Variants in NAV3 observed in about 807,000 individuals in gnomAD.
NAV3 encodes the protein pore membrane and/or filament interacting like protein 1.
NAV3 carries 87 observed loss-of-function variants against 244.7 expected under a neutral mutation model. The observed-to-expected ratio is 0.36, with a 90% CI of 0.30 to 0.42. The LOEUF (loss-of-function observed/expected upper bound fraction) is 0.42, where lower values mean the gene tolerates loss of function less well. NAV3 is among the 20% of genes least tolerant of loss of function. The pLI is 1.00. For missense variants in NAV3, 2,663 were observed against 2,893.3 expected, an observed-to-expected ratio of 0.92 and a Z score of 1.83; for synonymous variants, 1,126 against 1,042.2, an observed-to-expected ratio of 1.08 and a Z score of -1.55.
chr12:77,661,929 A>G (rs1443957740), intron 2 of NAV3, among the ~76,000 whole-genome samples: 1 of 152,076 alleles, frequency 6.6e-6, no homozygotes, highest in Non-Finnish European at 1.5e-5. Flanking sequence ...CATTGTCTTT[A>G]TAAAAATTGC....
rs1479405982 is a variant in NAV3, at chr12:78,168,422, T to G, written c.4870-333T>G. ...ATATCTAATGTAATCATAGGTAATATTAGTAAGTGTGTTATCTGAAATGAG... is the reference window on the plus strand; with the variant it reads ...ATATCTAATGTAATCATAGGTAATAGTAGTAAGTGTGTTATCTGAAATGAG... On this transcript the variant is annotated intron_variant, in intron 23 of 39. Coordinates refer to ENST00000397909, the MANE Select transcript of NAV3 (RefSeq NM_001024383.2). Among the ~76,000 whole-genome samples, 33 of 151,796 alleles carry G rather than the reference T, an allele frequency of 2.2e-4. No individual in the cohort carries two copies. In the Admixed American group the frequency reaches 2.2e-3, roughly 10 times the overall value.
At chr12:77,883,039 G>T (rs921898612) in intron 1 of NAV3, among the ~76,000 whole-genome samples, 3 of 152,134 alleles carry the variant, frequency 2.0e-5, no homozygotes, top group African/African-American at 7.2e-5. Flanking sequence ...ATTTCTCAAA[G>T]AACTTAAAAC....
chr12:77,966,140 T>C (rs1452414061), intron 3 of NAV3, 89 bp from the exon 4 acceptor site: 1 of 1,079,080 alleles, frequency 9.3e-7, no homozygotes, highest in African/African-American at 1.6e-5. Context: ...CTATTCATTC[T>C]TTATCGTTCT....
At chr12:78,186,185 A>T (rs1231473496) in intron 31 of NAV3, among the ~76,000 whole-genome samples, 8 of 151,886 alleles carry the variant, frequency 5.3e-5, no homozygotes, top group African/African-American at 1.7e-4. Flanking sequence ...AAGGTCCTAG[A>T]TGACCAGACA....
rs144185309 is a variant in NAV3 at position 77,808,010 on chromosome 12, A to G, written c.73-132309A>G. ...ATGCTTCAGGAAGTTCTCATGCTGCATTTTTCAGCTCCATCAGGTCATTTA... is the reference window on the plus strand; with the variant it reads ...ATGCTTCAGGAAGTTCTCATGCTGCGTTTTTCAGCTCCATCAGGTCATTTA... On this transcript the variant is annotated intron_variant, in intron 2 of 8. Transcript: ENST00000550042. Among the ~76,000 whole-genome samples, 172 of 152,008 alleles carry G rather than the reference A, an allele frequency of 1.1e-3. 1 individual carries two copies. Among genetic ancestry groups the G allele is most frequent in the African/African-American group, 4.0e-3 (165 of 41,462 alleles).
intron 15 of NAV3, among the ~76,000 whole-genome samples, chr12:78,120,369 G>A (rs1955618822): frequency 6.6e-6 from 1 of 152,210 alleles, no homozygotes; most frequent in African/African-American, 2.4e-5. Flanking sequence ...TTTCTTGCTG[G>A]CTCTTAATGA....
At position 78,146,368 on chromosome 12, in the gene NAV3, G is replaced by T; in HGVS notation, c.4684-1G>T. ...AAGTCTTTCTTTTTATTGTTTTACA[G>T]GCTGAAGAAAAGGCTCATTCAGAGG... is the stretch of plus-strand genomic sequence containing the variant. On this transcript the variant is annotated splice_acceptor_variant, in intron 20 of 39. Transcript: ENST00000397909. LOFTEE classifies it high-confidence loss of function. 1 of 1,096,404 alleles carries T rather than the reference G, an allele frequency of 9.1e-7. No homozygotes were observed. The highest frequency in any genetic ancestry group is 1.9e-5 in the South Asian group (1 of 53,802). The allele number at this position is 1,096,404 out of a possible 1,614,324, so 67.9% of individuals were successfully genotyped here. A position where few individuals can be genotyped will look rare whatever the true frequency, so the allele number is the denominator to read the frequency against.
intron 2 of NAV3, among the ~76,000 whole-genome samples, chr12:77,772,940 A>C (rs1870168482): frequency 6.6e-6 from 1 of 152,216 alleles, no homozygotes; most frequent in African/African-American, 2.4e-5. Context: ...TAACAGATAA[A>C]TCTGGACATT....
At chr12:77,876,694 A>G (rs890995953) in intron 1 of NAV3, among the ~76,000 whole-genome samples, 1 of 152,084 alleles carries the variant, frequency 6.6e-6, no homozygotes. Context: ...AAAGTATAAG[A>G]AATATTGATG....
At chr12:77,635,273 T>A (rs886980416) in intron 2 of NAV3, among the ~76,000 whole-genome samples, 1 of 151,904 alleles carries the variant, frequency 6.6e-6, no homozygotes, top group Non-Finnish European at 1.5e-5. Context: ...TTGCCTAGGT[T>A]GGCCTCATAC....
At position 77,998,069 on chromosome 12, in the gene NAV3, G is replaced by C. The variant is rs188864615; in HGVS notation, c.741-268G>C. ...GCAAAGTTTTATTCATCAGGGATGGGGTGAGTATGACTTTTTTAGTTAAGA... is the reference window on the plus strand; with the variant it reads ...GCAAAGTTTTATTCATCAGGGATGGCGTGAGTATGACTTTTTTAGTTAAGA... On this transcript the variant is annotated intron_variant, in intron 6 of 39. Transcript: ENST00000397909. Among the ~76,000 whole-genome samples the C allele has an allele frequency of 9.1e-3, 1,384 of 152,226 alleles. 52 individuals are homozygous for C. The highest frequency in any genetic ancestry group is 0.077 in the Admixed American group (1,175 of 15,290).
At chr12:78,142,669 ATAC>A (rs1956668765) in intron 20 of NAV3, among the ~76,000 whole-genome samples, 1 of 118,676 alleles carries the variant, frequency 8.4e-6, no homozygotes, top group Non-Finnish European at 1.8e-5. Context: ...ATGTATATAT[ATAC>A]ATATATATGT....
At chr12:78,155,331 T>C (rs1957260283) in intron 22 of NAV3, among the ~76,000 whole-genome samples, 1 of 152,120 alleles carries the variant, frequency 6.6e-6, no homozygotes, top group Admixed American at 6.6e-5. Context: ...GCTCCATCCA[T>C]GTCCCTCCAA....
chr12:78,123,933 A>G (rs1426659815), intron 16 of NAV3, among the ~76,000 whole-genome samples: 1 of 152,224 alleles, frequency 6.6e-6, no homozygotes, highest in East Asian at 1.9e-4. Flanking sequence ...CATTTATAAA[A>G]CTTCTAATGA....
rs139234810 is a variant in NAV3, at chr12:77,758,131, A to T, written c.73-182188A>T. 9.8e-3 allele frequency among the ~76,000 whole-genome samples: 1,494 copies of T among 152,106 alleles called. 26 individuals carry two copies. The highest frequency in any genetic ancestry group is 0.034 in the African/African-American group (1,402 of 41,496). ...GTGTCTGAGTTTGGTTTATCATTTT[A>T]TTCTGAATAAATTGCATTTCGTCAG... On this transcript the variant is annotated intron_variant, in intron 2 of 8. Coordinates refer to the NAV3 transcript ENST00000550042.
chr12:78,152,069 A>C (rs551209696), intron 22 of NAV3, among the ~76,000 whole-genome samples: 2 of 151,686 alleles, frequency 1.3e-5, no homozygotes, highest in African/African-American at 4.8e-5. Context: ...ATTTCCCAGG[A>C]GTTTCAACCT....
chr12:77,842,526 A>T (rs1003832432), intron 1 of NAV3, among the ~76,000 whole-genome samples: 1 of 151,056 alleles, frequency 6.6e-6, no homozygotes. Context: ...AATCGGGTGA[A>T]GTCAAGTATC....
intron 1 of NAV3, among the ~76,000 whole-genome samples, chr12:77,927,447 C>T (rs1235364372): frequency 1.3e-5 from 2 of 152,184 alleles, no homozygotes; most frequent in African/African-American, 4.8e-5. Flanking sequence ...CTATGTAGCA[C>T]TTACTGTTGC....
chr12:78,209,012 A>G (rs1234416945), intron 39 of NAV3, among the ~76,000 whole-genome samples: 1 of 152,184 alleles, frequency 6.6e-6, no homozygotes, highest in African/African-American at 2.4e-5. Flanking sequence ...AACTATGTTG[A>G]AGGAGACATT....
Sources: gnomAD v4.1 joint callset for allele counts (sites outside exome capture counted in the v4.1 genomes callset) on GRCh38, gnomAD v4.1.1 for gene constraint, MANE v1.5 for transcripts, NCBI Gene and HGNC (gene_info 2026-07-23, HGNC 2026-07-21) for gene names.